SNTG1: variants seen among roughly 807,000 people sequenced by gnomAD.
The protein encoded by SNTG1 is syntrophin gamma 1.
SNTG1 carries 39 observed loss-of-function variants against 74.7 expected under a neutral mutation model. The ratio of observed to expected loss-of-function variants is 0.52; its 90% confidence interval spans 0.40 to 0.68. The LOEUF (loss-of-function observed/expected upper bound fraction) is 0.68, where lower values mean the gene tolerates loss of function less well. SNTG1 is among the 30% of genes least tolerant of loss of function. The probability of loss-of-function intolerance (pLI) is 0.00; values close to 1 mark genes in which losing one functional copy is unlikely to be tolerated. For missense variants in SNTG1, 685 were observed against 609.5 expected (o/e 1.12, Z -1.30); for synonymous variants, 254 against 217.1 (o/e 1.17, Z -1.49).
chr8:50,573,891 A>T (rs1356250265), intron 12 of SNTG1, among the ~76,000 whole-genome samples: 4 of 151,982 alleles, frequency 2.6e-5, no homozygotes. Flanking sequence ...GTAAGGTTTC[A>T]TTAATGCTAG....
intron 2 of SNTG1, among the ~76,000 whole-genome samples, chr8:50,305,981 CTG>C (rs2089878479): frequency 6.6e-6 from 1 of 151,266 alleles, no homozygotes; most frequent in South Asian, 2.1e-4. Flanking sequence ...GTAATGAATT[CTG>C]TGATTTTAGT....
chr8:50,273,025 C>T (rs577579194), intron 2 of SNTG1, among the ~76,000 whole-genome samples: 3 of 152,040 alleles, frequency 2.0e-5, no homozygotes, highest in Admixed American at 6.6e-5. Flanking sequence ...ATTACAAGCA[C>T]GAGCATATTT....
At chr8:49,977,875 ACT>A (rs1812332093) in intron 1 of SNTG1, among the ~76,000 whole-genome samples, 1 of 152,194 alleles carries the variant, frequency 6.6e-6, no homozygotes. Context: ...CACCACAAAC[ACT>A]GCTTGGGCGT....
intron 2 of SNTG1, among the ~76,000 whole-genome samples, chr8:50,305,266 A>G (rs977266709): frequency 6.6e-6 from 1 of 152,104 alleles, no homozygotes; most frequent in African/African-American, 2.4e-5. Context: ...CATAAACTAT[A>G]GCAATGAAAA....
At chr8:50,573,548 A>C (rs1296354946) in intron 12 of SNTG1, among the ~76,000 whole-genome samples, 2 of 151,924 alleles carry the variant, frequency 1.3e-5, no homozygotes, top group African/African-American at 2.4e-5. Flanking sequence ...AGTGAATATT[A>C]TTCCTTTGAA....
intron 2 of SNTG1, among the ~76,000 whole-genome samples, chr8:50,213,647 T>A (rs1451206574): frequency 1.3e-5 from 2 of 151,948 alleles, no homozygotes; most frequent in African/African-American, 4.8e-5. Context: ...GGTATCTCAT[T>A]GTGGTTTTGA....
chr8:50,182,699 T>C (rs1400142127), intron 2 of SNTG1, among the ~76,000 whole-genome samples: 1 of 152,080 alleles, frequency 6.6e-6, no homozygotes, highest in Non-Finnish European at 1.5e-5. Context: ...TAATTTCATC[T>C]TTTTTGGTCA....
intron 13 of SNTG1, among the ~76,000 whole-genome samples, chr8:50,642,979 A>G (rs926528046): frequency 6.6e-6 from 1 of 152,146 alleles, no homozygotes; most frequent in Non-Finnish European, 1.5e-5. Flanking sequence ...AAAAATGTTC[A>G]GGTTACCAAT....
intron 17 of SNTG1, among the ~76,000 whole-genome samples, chr8:50,712,895 G>A (rs562505324): frequency 6.6e-6 from 1 of 152,266 alleles, no homozygotes; most frequent in Admixed American, 6.5e-5. Context: ...TCTTGATCCA[G>A]TCTATCATTG....
chr8:49,996,756 T>C (rs940925632), intron 1 of SNTG1, among the ~76,000 whole-genome samples: 4 of 152,122 alleles, frequency 2.6e-5, no homozygotes, highest in Non-Finnish European at 4.4e-5. Flanking sequence ...TCACAGACCT[T>C]GAATTTTTAA....
chr8:50,737,568 C>A (rs553169108), intron 17 of SNTG1, among the ~76,000 whole-genome samples: 2 of 152,210 alleles, frequency 1.3e-5, no homozygotes, highest in East Asian at 1.9e-4. Context: ...ATGAGGCCAG[C>A]ATCATCCTGA....
chr8:50,516,944 ACAC>A (rs1292112148), intron 9 of SNTG1, among the ~76,000 whole-genome samples: 1 of 152,166 alleles, frequency 6.6e-6, no homozygotes, highest in African/African-American at 2.4e-5. Flanking sequence ...AATACAGAGA[ACAC>A]CACAAAGACA....
At chr8:50,032,244 T>G (rs2130762321) in intron 1 of SNTG1, among the ~76,000 whole-genome samples, 1 of 152,204 alleles carries the variant, frequency 6.6e-6, no homozygotes, top group South Asian at 2.1e-4. Flanking sequence ...AAGAATCAAC[T>G]TTTGTTTTAT....
intron 18 of SNTG1, among the ~76,000 whole-genome samples, chr8:50,769,781 C>T (rs1220607550): frequency 1.3e-5 from 2 of 151,864 alleles, no homozygotes; most frequent in African/African-American, 2.4e-5. Flanking sequence ...ACAGTGTAAA[C>T]CTGATATTGA....
At chr8:50,170,171 G>A (rs948265990) in intron 1 of SNTG1, among the ~76,000 whole-genome samples, 2 of 152,028 alleles carry the variant, frequency 1.3e-5, no homozygotes, top group Non-Finnish European at 2.9e-5. Flanking sequence ...CCTCAGTGAC[G>A]ACAGCATGTT....
At chr8:50,716,758 A>C (rs945425141) in intron 17 of SNTG1, among the ~76,000 whole-genome samples, 18 of 148,586 alleles carry the variant, frequency 1.2e-4, no homozygotes, top group Admixed American at 8.1e-4. Flanking sequence ...TTTGAAACGG[A>C]GTCTCACACT....
At chr8:50,625,530 T>C (rs2094950824) in intron 13 of SNTG1, among the ~76,000 whole-genome samples, 1 of 152,140 alleles carries the variant, frequency 6.6e-6, no homozygotes, top group Non-Finnish European at 1.5e-5. Flanking sequence ...AATCAATAAA[T>C]AAGGACCAAA....
intron 17 of SNTG1, among the ~76,000 whole-genome samples, chr8:50,713,969 G>A (rs987138460): frequency 6.7e-6 from 1 of 148,440 alleles, no homozygotes; most frequent in Non-Finnish European, 1.5e-5. Context: ...TGAGGCAGGA[G>A]AATTGCTTGA....
At chr8:50,723,545 T>A (rs1227215591) in intron 17 of SNTG1, among the ~76,000 whole-genome samples, 3 of 152,162 alleles carry the variant, frequency 2.0e-5, no homozygotes, top group African/African-American at 7.2e-5. Context: ...CACTTCCCGA[T>A]TACAGGCCTC....
Sources: allele counts gnomAD v4.1 joint callset (sites outside exome capture counted in the v4.1 genomes callset), GRCh38; gene constraint gnomAD v4.1.1; transcripts MANE v1.5; gene names NCBI Gene and HGNC (gene_info 2026-07-23, HGNC 2026-07-21).